The following ACACB variants were observed in gnomAD, a reference collection of about 807,000 sequenced individuals.
ACACB encodes the protein acetyl-CoA carboxylase beta.
Under a neutral mutation model 278.8 loss-of-function variants are expected in ACACB, and 209 were observed. The observed-to-expected ratio is 0.75, with a 90% CI of 0.67 to 0.84. The LOEUF (loss-of-function observed/expected upper bound fraction) is 0.84, where lower values mean the gene tolerates loss of function less well. Ranked by LOEUF, ACACB falls within the 40% of genes least tolerant of loss-of-function variation. ACACB has a pLI of 0.00. For missense variants in ACACB, 2,850 were observed against 3,269.0 expected (o/e 0.87, Z 3.13); for synonymous variants, 1,174 against 1,285.6 (o/e 0.91, Z 1.86).
intron 48 of ACACB, among the ~76,000 whole-genome samples, chr12:109,261,815 G>A (rs2047384333): frequency 6.8e-6 from 1 of 146,440 alleles, no homozygotes; most frequent in South Asian, 2.2e-4. Context: ...AGATTGTAGT[G>A]AACCGAGATA....
intron 31 of ACACB, among the ~76,000 whole-genome samples, 166 bp downstream of exon 31, chr12:109,234,211 G>A (rs2046565407): frequency 6.6e-6 from 1 of 152,230 alleles, no homozygotes. Flanking sequence ...ACCTTGGGCA[G>A]ATGTGGCTGA....
At position 109,188,016 on chromosome 12, in the gene ACACB, C is replaced by G. The variant is rs183706792; in HGVS notation, c.1998C>G (p.Ser666=). ...GACTCCAGGGTTTTAAGCCGAGCTC[C>G]GGGACTGTCCAGGAACTGAATTTCC... ...ENPDEGFKPS[S]GTVQELNFRS... The change falls in exon 13 of 53, where the codon TCC becomes TCG. Residue 666 remains serine (S), a synonymous_variant. Coordinates refer to ENST00000338432, the MANE Select transcript of ACACB (RefSeq NM_001093.4). 3 of 1,605,578 alleles carry G rather than the reference C, an allele frequency of 1.9e-6. No homozygotes were observed. In the South Asian group the frequency reaches 3.3e-5, roughly 18 times the overall value.
At chr12:109,196,430 G>A (rs1038260031) in intron 16 of ACACB, among the ~76,000 whole-genome samples, 1 of 152,146 alleles carries the variant, frequency 6.6e-6, no homozygotes, top group Non-Finnish European at 1.5e-5. Flanking sequence ...CCCACCTTTC[G>A]TTTCATAGAT....
At position 109,172,355 on chromosome 12, in the gene ACACB, A is replaced by C; in HGVS notation, c.1116A>C (p.Leu372Phe). Reference protein sequence around the residue: ...ELLCKNGVAFLGPPSEAMWAL... With the variant: ...ELLCKNGVAFFGPPSEAMWAL... ...TGTGCAAGAATGGAGTTGCTTTCTT[A>C]GGTAGAGTGTGTCCCCATCAGATAC... The change falls in exon 6 of 53, where the codon TTA (leucine) becomes TTC (phenylalanine). Residue 372 changes from leucine (L) to phenylalanine (F), a missense_variant and splice_region_variant. Physicochemically the swap from Leu to Phe is conservative, Grantham distance 22 (BLOSUM62 0). This residue lies in a region of ACACB where 2,265 missense variants were observed against 2,561.3 expected (regional missense o/e 0.88). Transcript: ENST00000338432. 2 of 1,614,072 alleles carry C rather than the reference A, an allele frequency of 1.2e-6. No homozygotes were observed. Among genetic ancestry groups the C allele is most frequent in the Admixed American group, 1.7e-5 (1 of 60,020 alleles).
chr12:109,248,468 G>A (rs1288570077), intron 40 of ACACB, among the ~76,000 whole-genome samples: 1 of 152,232 alleles, frequency 6.6e-6, no homozygotes, highest in African/African-American at 2.4e-5. Flanking sequence ...GAAGCCAATA[G>A]TGCAGCCTTC....
At chr12:109,184,393 G>A (rs748810510) in intron 11 of ACACB, among the ~76,000 whole-genome samples, 4 of 152,088 alleles carry the variant, frequency 2.6e-5, no homozygotes, top group East Asian at 1.9e-4. Context: ...GTGAACCTTC[G>A]TAACATATGG....
At position 109,139,602 on chromosome 12, in the gene ACACB, C is replaced by T. The variant is rs773226498; in HGVS notation, c.197C>T (p.Thr66Ile). Residue 66 changes from threonine (T) to isoleucine (I), a missense_variant, in exon 2 of 53, where the codon ACT becomes ATT. This residue lies in a region of ACACB where 2,265 missense variants were observed against 2,561.3 expected (regional missense o/e 0.88). Transcript: ENST00000338432. ...CCGCAGAGAAATGGGGAGGGCCACA[C>T]TCTGCCCAAGACACCCAGCCAGGCC... ...ETPQRNGEGH[T>I]LPKTPSQAEP... The T allele has an allele frequency of 7.4e-6, 12 of 1,614,152 alleles. No individual in the cohort carries two copies. Among genetic ancestry groups the T allele is most frequent in the Non-Finnish European group, 1.0e-5 (12 of 1,180,026 alleles).
At chr12:109,166,834 C>T (rs1254871267) in intron 2 of ACACB, 27 bp from the exon 3 acceptor site, 13 of 1,613,698 alleles carry the variant, frequency 8.1e-6, no homozygotes, top group East Asian at 4.5e-5. Flanking sequence ...CCCTCATGCA[C>T]GTCTGTCCCT....
intron 40 of ACACB, 113 bp downstream of exon 40, chr12:109,247,816 G>A: frequency 1.2e-6 from 1 of 817,242 alleles, no homozygotes; most frequent in Non-Finnish European, 2.0e-6. Context: ...TTTGTATGAT[G>A]GGAACCAATG....
At chr12:109,176,094 C>T in intron 8 of ACACB, 54 bp downstream of exon 8, 1 of 1,610,002 alleles carries the variant, frequency 6.2e-7, no homozygotes, top group Non-Finnish European at 8.5e-7. Context: ...TGCCTCTGTC[C>T]TGGTAGCAGT....
intron 2 of ACACB, among the ~76,000 whole-genome samples, chr12:109,151,504 T>C (rs1000402496): frequency 6.6e-6 from 1 of 152,146 alleles, no homozygotes; most frequent in Non-Finnish European, 1.5e-5. Context: ...TTCATTTTGC[T>C]TTTCTGCAAA....
chr12:109,118,902 T>G (rs560452054), intron 1 of ACACB, among the ~76,000 whole-genome samples: 4 of 152,278 alleles, frequency 2.6e-5, no homozygotes, highest in Admixed American at 2.6e-4. Context: ...AATAGTAAAT[T>G]TATGACCGTA....
intron 21 of ACACB, among the ~76,000 whole-genome samples, chr12:109,210,879 G>T (rs1458327821): frequency 6.7e-6 from 1 of 148,540 alleles, no homozygotes; most frequent in Non-Finnish European, 1.5e-5. Flanking sequence ...GCACCACTGT[G>T]CTCCAGAAAA....
At chr12:109,144,677 CAG>C (rs999201935) in intron 2 of ACACB, among the ~76,000 whole-genome samples, 1 of 151,464 alleles carries the variant, frequency 6.6e-6, no homozygotes, top group Non-Finnish European at 1.5e-5. Flanking sequence ...ATAGGCAGAA[CAG>C]GGCTGAAGAA....
chr12:109,156,244 ATG>A (rs982838510), intron 2 of ACACB, among the ~76,000 whole-genome samples: 1 of 151,864 alleles, frequency 6.6e-6, no homozygotes, highest in African/African-American at 2.4e-5. Context: ...CTGAAAAAAA[ATG>A]TGCCCAGGTG....
upstream of ACACB, among the ~76,000 whole-genome samples, chr12:109,112,684 G>C (rs910212718): frequency 2.0e-5 from 2 of 100,594 alleles, no homozygotes; most frequent in Non-Finnish European, 3.6e-5. Context: ...GCAAAACTCC[G>C]TCTCAAAAAA....
At chr12:109,206,264 T>C (rs1468630367) in intron 19 of ACACB, among the ~76,000 whole-genome samples, 1 of 151,822 alleles carries the variant, frequency 6.6e-6, no homozygotes, top group Non-Finnish European at 1.5e-5. Flanking sequence ...TGAAAACCTG[T>C]CTATACTAAA....
At chr12:109,156,632 T>A (rs1359187044) in intron 2 of ACACB, among the ~76,000 whole-genome samples, 1 of 148,202 alleles carries the variant, frequency 6.7e-6, no homozygotes, top group Non-Finnish European at 1.5e-5. Flanking sequence ...AACAGCACAG[T>A]GAGGAATACC....
intron 2 of ACACB, among the ~76,000 whole-genome samples, chr12:109,162,289 C>A (rs1565876091): frequency 6.6e-6 from 1 of 151,982 alleles, no homozygotes; most frequent in East Asian, 1.9e-4. Flanking sequence ...TAGCATTAAC[C>A]TTTTAGAAGC....
Sources: gnomAD v4.1 joint callset for allele counts (sites outside exome capture counted in the v4.1 genomes callset) on GRCh38, gnomAD v4.1.1 for gene constraint, gnomAD v4.1.1 regional missense constraint, MANE v1.5 for transcripts, NCBI Gene and HGNC (gene_info 2026-07-23, HGNC 2026-07-21) for gene names.